DPCD: variants seen among roughly 807,000 people sequenced by gnomAD.
DPCD encodes the protein deleted in primary ciliary dyskinesia homolog (mouse).
DPCD carries 20 observed loss-of-function variants against 26.4 expected under a neutral mutation model. The ratio of observed to expected loss-of-function variants is 0.76; its 90% CI spans 0.53 to 1.10. The LOEUF (loss-of-function observed/expected upper bound fraction) is 1.10, where lower values mean the gene tolerates loss of function less well. Ranked by LOEUF, DPCD falls within the 50% of genes least tolerant of loss-of-function variation. DPCD has a pLI of 0.00. For synonymous variants in DPCD, 97 were observed against 94.2 expected (o/e 1.03, Z -0.17); for missense variants, 202 against 253.9 (o/e 0.80, Z 1.39).
At chr10:101,607,582 G>A (rs2063742094) in intron 4 of DPCD, among the ~76,000 whole-genome samples, 1 of 152,128 alleles carries the variant, frequency 6.6e-6, no homozygotes, top group East Asian at 1.9e-4. Flanking sequence ...AGGGAGGACG[G>A]GGGCAGAAGT....
intron 2 of DPCD, among the ~76,000 whole-genome samples, chr10:101,598,591 A>G (rs2063669907): frequency 6.7e-6 from 1 of 148,514 alleles, no homozygotes; most frequent in Non-Finnish European, 1.5e-5. Context: ...TTAAAAATAC[A>G]GACATTGGGT....
chr10:101,588,631 C>G, intron 1 of DPCD: 10 of 1,362,972 alleles, frequency 7.3e-6, no homozygotes, highest in Non-Finnish European at 9.4e-6. Flanking sequence ...GCTCTGATTT[C>G]TGTTGCTAAT....
At chr10:101,590,350 A>G (rs2063597091) in intron 1 of DPCD, among the ~76,000 whole-genome samples, 1 of 152,146 alleles carries the variant, frequency 6.6e-6, no homozygotes, top group Non-Finnish European at 1.5e-5. Flanking sequence ...ATGAAGAGAG[A>G]TGACAGATAA....
chr10:101,594,920 A>G (rs1318271395), intron 2 of DPCD, among the ~76,000 whole-genome samples, 182 bp downstream of exon 2: 1 of 152,168 alleles, frequency 6.6e-6, no homozygotes, highest in Non-Finnish European at 1.5e-5. Flanking sequence ...GTGGAATGCG[A>G]GTCCTTTTGA....
chr10:101,597,217 C>T (rs2063659581), intron 2 of DPCD, among the ~76,000 whole-genome samples: 1 of 152,218 alleles, frequency 6.6e-6, no homozygotes, highest in South Asian at 2.1e-4. Context: ...GACCGCCAGC[C>T]TAACCACCCC....
At chr10:101,590,317 G>A (rs1335677903) in intron 1 of DPCD, among the ~76,000 whole-genome samples, 1 of 152,056 alleles carries the variant, frequency 6.6e-6, no homozygotes, top group Non-Finnish European at 1.5e-5. Flanking sequence ...TTCTCAAGGA[G>A]CAATGAGGGG....
intron 5 of DPCD, 73 bp downstream of exon 5, chr10:101,609,010 C>T: frequency 8.0e-7 from 1 of 1,248,286 alleles, no homozygotes; most frequent in African/African-American, 1.5e-5. Context: ...CTTCCCATCC[C>T]ATAAGAGTCC....
At chr10:101,594,491 C>T (rs1047216451) in intron 1 of DPCD, among the ~76,000 whole-genome samples, 167 bp from the exon 2 acceptor site, 1 of 152,142 alleles carries the variant, frequency 6.6e-6, no homozygotes. Flanking sequence ...TCTCAGGACA[C>T]GTTTTAAAGT....
intron 2 of DPCD, among the ~76,000 whole-genome samples, chr10:101,598,419 A>T (rs958775614): frequency 6.6e-6 from 1 of 152,176 alleles, no homozygotes; most frequent in Admixed American, 6.5e-5. Flanking sequence ...AAGTTTTATT[A>T]ATAATTCAAA....
At position 101,600,687 on chromosome 10, in the gene DPCD, A is replaced by G; in HGVS notation, c.146-51A>G. On this transcript the variant is annotated intron_variant, in intron 2 of 5. Transcript: ENST00000370151. The surrounding 1 kb of genome is among the most constrained non-coding windows in gnomAD (Gnocchi z 4.7). ...AGAAAAGAGCAGAGACCCTCTCTTC[A>G]CTCTCATCCTGATGCTTGCTTCTCA... 6.3e-7 allele frequency: 1 copy of G among 1,583,506 alleles called. No homozygotes were observed. Among genetic ancestry groups the G allele is most frequent in the Non-Finnish European group, 8.6e-7 (1 of 1,165,858 alleles).
intron 1 of DPCD, among the ~76,000 whole-genome samples, chr10:101,589,711 A>C (rs1471075551): frequency 6.6e-6 from 1 of 152,106 alleles, no homozygotes; most frequent in African/African-American, 2.4e-5. Flanking sequence ...AAACCACCCC[A>C]TCGCTACTAA....
At chr10:101,606,606 C>G (rs2063734659) in intron 4 of DPCD, among the ~76,000 whole-genome samples, 1 of 152,196 alleles carries the variant, frequency 6.6e-6, no homozygotes. Context: ...CATGAGTCAC[C>G]AGGCCCGCCC....
intron 3 of DPCD, among the ~76,000 whole-genome samples, 165 bp from the exon 4 acceptor site, chr10:101,601,038 C>T (rs1377491885): frequency 6.6e-6 from 1 of 152,132 alleles, no homozygotes; most frequent in Non-Finnish European, 1.5e-5. Flanking sequence ...GCTTGATCGT[C>T]CCAGGGCGGG....
chr10:101,609,004 C>T (rs1564897806), intron 5 of DPCD, 67 bp downstream of exon 5: 1 of 1,327,972 alleles, frequency 7.5e-7, no homozygotes, highest in Non-Finnish European at 1.1e-6. Context: ...TGCCCACTTC[C>T]CATCCCATAA....
At position 101,605,561 on chromosome 10, in the gene DPCD, C is replaced by G. The variant is rs2063728105; in HGVS notation, c.405-3274C>G. On this transcript the variant is annotated intron_variant, in intron 4 of 5. Coordinates refer to ENST00000370151, the MANE Select transcript of DPCD (RefSeq NM_015448.3). ...ACCTGTCCGGGGTCACAAGGCAGGGCCAGGAGTTCTGCTACAAGCCTTTAC... is the reference window on the plus strand; with the variant it reads ...ACCTGTCCGGGGTCACAAGGCAGGGGCAGGAGTTCTGCTACAAGCCTTTAC... 2.0e-5 allele frequency among the ~76,000 whole-genome samples: 3 copies of G among 152,086 alleles called. No homozygotes were observed. In the South Asian group the frequency reaches 6.2e-4, roughly 32 times the overall value.
rs2063695491 is a variant in DPCD, at chr10:101,601,200, C to T, written c.271-3C>T. On this transcript the variant is annotated splice_region_variant and splice_polypyrimidine_tract_variant and intron_variant, in intron 3 of 5. Coordinates refer to ENST00000370151, the MANE Select transcript of DPCD (RefSeq NM_015448.3). ...GTCCTCGAGTTGGATTTGCCTTCTG[C>T]AGCCTATCTTCATGCGCAAGGACAC... 1 of 1,613,720 alleles carries T rather than the reference C, an allele frequency of 6.2e-7. No individual in the cohort carries two copies. Among genetic ancestry groups the T allele is most frequent in the African/African-American group, 1.3e-5 (1 of 74,954 alleles).
intron 2 of DPCD, among the ~76,000 whole-genome samples, chr10:101,598,388 T>C (rs1051819407): frequency 6.6e-6 from 1 of 152,142 alleles, no homozygotes; most frequent in African/African-American, 2.4e-5. Flanking sequence ...TTACATGTGC[T>C]TATTGAACAC....
At chr10:101,609,057 G>C (rs2063754180) in intron 5 of DPCD, 120 bp downstream of exon 5, 1 of 863,054 alleles carries the variant, frequency 1.2e-6, no homozygotes, top group Non-Finnish European at 1.9e-6. Flanking sequence ...ATGCTTGTGG[G>C]AGAATAGGCA....
rs1396745730 is a variant in DPCD at position 101,603,046 on chromosome 10, A to T, written c.404+1710A>T. Among the ~76,000 whole-genome samples, 1 of 152,240 alleles carries T rather than the reference A, an allele frequency of 6.6e-6. No individual in the cohort carries two copies. The highest frequency in any genetic ancestry group is 1.5e-5 in the Non-Finnish European group (1 of 68,044). On this transcript the variant is annotated intron_variant, in intron 4 of 5. Coordinates refer to ENST00000370151, the MANE Select transcript of DPCD (RefSeq NM_015448.3). The surrounding 1 kb of genome is among the most constrained non-coding windows in gnomAD (Gnocchi z 4.6). Reference sequence around the variant, plus strand: ...AGCAGGGGTTGTTGGACATTTTTGAAATGATGGGTGAGGCCAGGTGGGATG... The same window carrying T: ...AGCAGGGGTTGTTGGACATTTTTGATATGATGGGTGAGGCCAGGTGGGATG...
Sources: allele counts gnomAD v4.1 joint callset (sites outside exome capture counted in the v4.1 genomes callset), GRCh38; gene constraint gnomAD v4.1.1; non-coding constraint Gnocchi (gnomAD v3.1); transcripts MANE v1.5; gene names NCBI Gene and HGNC (gene_info 2026-07-23, HGNC 2026-07-21).